Variants in PRDM2 observed in about 807,000 individuals in gnomAD.
The protein encoded by PRDM2 is PR domain zinc finger protein 2.
PRDM2 carries 30 observed loss-of-function variants against 130.0 expected under a neutral mutation model. The observed-to-expected ratio is 0.23, with a 90% confidence interval of 0.17 to 0.31. PRDM2 has a LOEUF of 0.31. Ranked by LOEUF, PRDM2 falls within the 10% of genes least tolerant of loss-of-function variation. PRDM2 has a pLI of 1.00. For synonymous variants in PRDM2, 871 were observed against 782.4 expected, an observed-to-expected ratio of 1.11 and a Z score of -1.89; for missense variants, 2,011 against 2,108.4, an observed-to-expected ratio of 0.95 and a Z score of 0.90.
At chr1:13,745,782 G>T (rs2100520290) in intron 5 of PRDM2, among the ~76,000 whole-genome samples, 1 of 152,272 alleles carries the variant, frequency 6.6e-6, no homozygotes, top group Non-Finnish European at 1.5e-5. Flanking sequence ...GTAGGGAGGA[G>T]GAGAGGAATC....
Position 13,742,086 on chromosome 1 carries a change from G to A in PRDM2, c.313G>A (p.Ala105Thr). ...KGNWLRYVNW[A>T]CSGEEQNLFP... ...AAACTGGCTGCGATATGTGAATTGG[G>A]CTTGCTCAGGAGAAGAGCAAAATTT... The change falls in exon 5 of 10, where the codon GCT becomes ACT. Residue 105 changes from alanine (A) to threonine (T), a missense_variant. Ala to Thr is a moderately conservative substitution (Grantham distance 58). This residue lies in a region of PRDM2 where 1,288 missense variants were observed against 1,237.7 expected (regional missense o/e 1.04). Transcript: ENST00000311066. The A allele has an allele frequency of 6.2e-7, 1 of 1,612,154 alleles. No homozygotes were observed. Among genetic ancestry groups the A allele is most frequent in the Non-Finnish European group, 8.5e-7 (1 of 1,178,170 alleles).
In PRDM2 at chr1:13,778,804, G is replaced by A; in HGVS notation, c.1009G>A (p.Val337Ile). Reference protein sequence around the residue: ...SEETLEDCSEVTPAMQIPRTK... With the variant: ...SEETLEDCSEITPAMQIPRTK... ...AGAAACTCTTGAAGACTGCTCAGAG[G>A]TAACACCTGCCATGCAAATCCCCAG... Residue 337 changes from valine to isoleucine, a missense_variant, in exon 8 of 10, where the codon GTA becomes ATA. Coordinates refer to ENST00000311066, the MANE Select transcript of PRDM2 (RefSeq NM_001393986.1). 2 of 1,614,132 alleles carry A rather than the reference G, an allele frequency of 1.2e-6. No homozygotes were observed. Among genetic ancestry groups the A allele is most frequent in the Non-Finnish European group, 1.7e-6 (2 of 1,180,024 alleles).
At chr1:13,733,021 A>G in intron 4 of PRDM2, 139 bp downstream of exon 4, 1 of 668,728 alleles carries the variant, frequency 1.5e-6, no homozygotes, top group Non-Finnish European at 2.5e-6. Flanking sequence ...TTAAAGAGAA[A>G]ATGTGTTTCC....
At chr1:13,817,504 G>C (rs958187910) in intron 9 of PRDM2, among the ~76,000 whole-genome samples, 3 of 151,802 alleles carry the variant, frequency 2.0e-5, no homozygotes, top group South Asian at 2.1e-4. Context: ...GGCCCTCCCT[G>C]TTGGTGACAC....
intron 4 of PRDM2, among the ~76,000 whole-genome samples, chr1:13,737,515 G>C (rs2294484): frequency 0.098 from 14,950 of 152,140 alleles, 943 homozygotes; most frequent in Admixed American, 0.22. Flanking sequence ...GTAGGGAAGA[G>C]TAGCAGTAGG....
At chr1:13,726,729 T>C (rs1362965701) in intron 2 of PRDM2, among the ~76,000 whole-genome samples, 5 of 152,232 alleles carry the variant, frequency 3.3e-5, no homozygotes, top group South Asian at 2.1e-4. Context: ...GATCTGTTCA[T>C]TGATACATGT....
intron 6 of PRDM2, among the ~76,000 whole-genome samples, chr1:13,759,105 A>G (rs1328011127): frequency 6.6e-6 from 1 of 151,692 alleles, no homozygotes; most frequent in Non-Finnish European, 1.5e-5. Context: ...GTAGCAAAGG[A>G]TTGGCCGGTT....
rs556843220 is a variant in PRDM2, at chr1:13,778,629, A to T, written c.834A>T (p.Glu278Asp). Residue 278 changes from glutamate (E) to aspartate (D), a missense_variant, in exon 8 of 10, where the codon GAA (glutamate) becomes GAT (aspartate). Coordinates refer to ENST00000311066, the MANE Select transcript of PRDM2 (RefSeq NM_001393986.1). ...EEEEEEEEED[E>D]EEEEDDDDDE... ...AGGAGGAGGAAGAGGAGGAGGATGA[A>T]GAAGAAGAAGAAGATGATGATGATG... 7.4e-5 allele frequency: 118 copies of T among 1,602,190 alleles called. 1 individual carries two copies. The South Asian group carries it at 1.3e-3, about 17-fold the overall frequency.
intron 4 of PRDM2, among the ~76,000 whole-genome samples, chr1:13,740,218 T>A (rs1643396526): frequency 6.6e-6 from 1 of 152,202 alleles, no homozygotes; most frequent in Non-Finnish European, 1.5e-5. Context: ...TATATTTTTA[T>A]CCTGAGGCAG....
chr1:13,729,074 A>G (rs891074124), intron 2 of PRDM2, among the ~76,000 whole-genome samples: 1 of 152,194 alleles, frequency 6.6e-6, no homozygotes, highest in African/African-American at 2.4e-5. Flanking sequence ...CCTTTAAGCA[A>G]TGTCTCTAAG....
Position 13,779,972 on chromosome 1 carries a change from T to A in PRDM2, c.2177T>A (p.Leu726Ter). 6.2e-7 allele frequency: 1 copy of A among 1,614,244 alleles called. No homozygotes were observed. Among genetic ancestry groups the A allele is most frequent in the Non-Finnish European group, 8.5e-7 (1 of 1,180,050 alleles). ...TGTGTGTCTGCTCCTGCATCAATGT[T>A]GCCTGTGACCTCAAGTAGGTTTAAG... ...PVCVSAPASM[L>*]PVTSSRFKRR... The change falls in exon 8 of 10, where the codon TTG (leucine) becomes TAG (stop). Residue 726 changes from leucine (L) to a stop codon, truncating the protein, a stop_gained. Coordinates refer to ENST00000311066, the MANE Select transcript of PRDM2 (RefSeq NM_001393986.1). LOFTEE classifies it high-confidence loss of function. The surrounding 1 kb of genome is among the most constrained non-coding windows in gnomAD (Gnocchi z 4.9).
intron 9 of PRDM2, among the ~76,000 whole-genome samples, chr1:13,822,222 A>C (rs2100778208): frequency 6.6e-6 from 1 of 152,180 alleles, no homozygotes; most frequent in East Asian, 1.9e-4. Flanking sequence ...ATCTATGGAC[A>C]TCCTACGACC....
At chr1:13,813,794 A>C (rs1327964635) in intron 8 of PRDM2, among the ~76,000 whole-genome samples, 2 of 152,072 alleles carry the variant, frequency 1.3e-5, no homozygotes, top group Non-Finnish European at 2.9e-5. Context: ...TGAGCCGGGG[A>C]GGAGGCGCGC....
intron 6 of PRDM2, among the ~76,000 whole-genome samples, chr1:13,760,058 A>T (rs954038093): frequency 2.0e-5 from 3 of 152,102 alleles, no homozygotes; most frequent in African/African-American, 7.2e-5. Context: ...ACCTATTTTT[A>T]GTTATTATAA....
intron 1 of PRDM2, among the ~76,000 whole-genome samples, chr1:13,706,822 G>C (rs1050077102): frequency 6.6e-6 from 1 of 151,624 alleles, no homozygotes; most frequent in Non-Finnish European, 1.5e-5. Flanking sequence ...AGTTTTAAGG[G>C]CCTCTTAAAC....
rs1410272508 is a variant in PRDM2, at chr1:13,705,533, T to A, written c.-66+5233T>A. ...CACCGTCTACCCTTCTCTGTGGATA[T>A]TTTTCCGCTTGGCAATTTCCTTTCC... On this transcript the variant is annotated intron_variant, in intron 1 of 9. Transcript: ENST00000311066. 4 of 152,306 alleles carry A rather than the reference T, an allele frequency of 2.6e-5. No homozygotes were observed. The East Asian group carries it at 7.7e-4, about 29-fold the overall frequency. 9.4% of individuals were successfully genotyped at this position (152,306 alleles called of 1,614,324 possible). A position where few individuals can be genotyped will look rare whatever the true frequency, so the allele number is the denominator to read the frequency against.
chr1:13,805,795 C>A (rs1208850152), intron 8 of PRDM2, among the ~76,000 whole-genome samples: 1 of 152,138 alleles, frequency 6.6e-6, no homozygotes, highest in Non-Finnish European at 1.5e-5. Context: ...GAAAAAGGTG[C>A]AAGGAGGGAC....
intron 6 of PRDM2, among the ~76,000 whole-genome samples, chr1:13,761,738 A>G (rs1311750355): frequency 2.0e-5 from 3 of 152,244 alleles, no homozygotes; most frequent in East Asian, 3.9e-4. Flanking sequence ...TCAGTTTTCA[A>G]ACTCAAGCAG....
chr1:13,770,326 T>TAC (rs1644330198), intron 6 of PRDM2: 1 of 488,190 alleles, frequency 2.0e-6, no homozygotes, highest in Admixed American at 2.1e-5. Context: ...ATAGCACTTA[T>TAC]GTTTTAGACA....
Sources: allele counts gnomAD v4.1 joint callset (sites outside exome capture counted in the v4.1 genomes callset), GRCh38; gene constraint gnomAD v4.1.1; regional missense constraint gnomAD v4.1.1; non-coding constraint Gnocchi (gnomAD v3.1); transcripts MANE v1.5; gene names NCBI Gene and HGNC (gene_info 2026-07-23, HGNC 2026-07-21).